The following HDAC9 variants were observed in gnomAD, a reference collection of about 807,000 sequenced individuals.
HDAC9 encodes MEF-2 interacting transcription repressor (MITR) protein.
A neutral mutation model predicts 139.4 loss-of-function variants in HDAC9; 41 were observed. The observed-to-expected ratio is 0.29, with a 90% CI of 0.23 to 0.38. HDAC9 has a LOEUF of 0.38. Ranked by LOEUF, HDAC9 falls within the 10% of genes least tolerant of loss-of-function variation. The pLI, the probability that HDAC9 is intolerant of heterozygous loss-of-function variation, is 1.00. For synonymous variants in HDAC9, 517 were observed against 476.2 expected, an observed-to-expected ratio of 1.09 and a Z score of -1.12; for missense variants, 1,147 against 1,297.0, an observed-to-expected ratio of 0.88 and a Z score of 1.78.
chr7:18,591,547 G>A lies in HDAC9; in HGVS notation c.447G>A (p.Lys149=), dbSNP rs776097817. Residue 149 remains lysine (K), a synonymous_variant, in exon 5 of 26, where the codon AAG becomes AAA. Transcript: ENST00000686413. ...RAVASTEVKQ[K]LQEFLLSKSA... ...TGGCAAGTACAGAAGTAAAGCAGAA[G>A]CTTCAAGAGTTCCTACTGAGTAAAT... The A allele has an allele frequency of 1.1e-5, 17 of 1,607,610 alleles. No homozygotes were observed. In the East Asian group the frequency reaches 1.6e-4, roughly 15 times the overall value.
chr7:18,663,847 C>T (rs1793974129), intron 11 of HDAC9, among the ~76,000 whole-genome samples: 3 of 152,116 alleles, frequency 2.0e-5, no homozygotes. Flanking sequence ...CCACAAGCTC[C>T]CCTCACCTGC....
intron 13 of HDAC9, among the ~76,000 whole-genome samples, chr7:18,741,962 A>C (rs1018752761): frequency 6.6e-6 from 1 of 152,338 alleles, no homozygotes; most frequent in Non-Finnish European, 1.5e-5. Flanking sequence ...CTCATTATAA[A>C]ACTTGAATTA....
At chr7:18,405,423 CT>C (rs1263674906) in intron 1 of HDAC9, among the ~76,000 whole-genome samples, 5 of 152,128 alleles carry the variant, frequency 3.3e-5, no homozygotes, top group African/African-American at 1.2e-4. Context: ...AATCATCCCC[CT>C]ATCTTACTCA....
At chr7:18,981,354 C>T (rs1406500902) in intron 25 of HDAC9, among the ~76,000 whole-genome samples, 1 of 152,190 alleles carries the variant, frequency 6.6e-6, no homozygotes, top group Non-Finnish European at 1.5e-5. Context: ...GCCAGGATCA[C>T]AAAGCTGCCT....
At chr7:18,321,751 A>G (rs1218420209) in intron 1 of HDAC9, among the ~76,000 whole-genome samples, 2 of 152,182 alleles carry the variant, frequency 1.3e-5, no homozygotes, top group Admixed American at 6.5e-5. Flanking sequence ...ATCAAATTGT[A>G]TAGTGTGCCC....
chr7:18,320,130 G>A (rs935993254), intron 1 of HDAC9, among the ~76,000 whole-genome samples: 8 of 152,170 alleles, frequency 5.3e-5, no homozygotes, highest in African/African-American at 1.7e-4. Flanking sequence ...AATGTCTTGA[G>A]GACATTCAAC....
intron 2 of HDAC9, among the ~76,000 whole-genome samples, chr7:18,580,787 T>C (rs1353655414): frequency 6.6e-6 from 1 of 152,184 alleles, no homozygotes; most frequent in Non-Finnish European, 1.5e-5. Context: ...CCTTGTAAGT[T>C]GATTTCTAAT....
intron 1 of HDAC9, among the ~76,000 whole-genome samples, chr7:18,119,927 TG>T (rs1784260666): frequency 6.6e-6 from 1 of 152,202 alleles, no homozygotes; most frequent in Non-Finnish European, 1.5e-5. Flanking sequence ...GATCAATCCT[TG>T]GGGTGTTTGC....
intron 19 of HDAC9, 56 bp from the exon 20 acceptor site, chr7:18,835,410 GT>G: frequency 1.3e-6 from 2 of 1,535,844 alleles, no homozygotes; most frequent in Non-Finnish European, 1.8e-6. Flanking sequence ...CAGAAAGGTT[GT>G]CTCCACACAA....
At chr7:18,842,452 T>A (rs1286264246) in intron 21 of HDAC9, among the ~76,000 whole-genome samples, 1 of 152,110 alleles carries the variant, frequency 6.6e-6, no homozygotes, top group Admixed American at 6.6e-5. Flanking sequence ...CAGTAATGAT[T>A]TTCATCTATT....
intron 17 of HDAC9, among the ~76,000 whole-genome samples, chr7:18,814,297 AT>A (rs1298419500): frequency 3.9e-5 from 6 of 152,200 alleles, no homozygotes; most frequent in Non-Finnish European, 5.9e-5. Context: ...CTACTGCTAT[AT>A]TTTTACCTGA....
intron 1 of HDAC9, among the ~76,000 whole-genome samples, chr7:18,427,324 G>A (rs1047153785): frequency 2.0e-5 from 3 of 151,946 alleles, no homozygotes; most frequent in Admixed American, 1.3e-4. Context: ...GAGAATACTT[G>A]GTCATTAGCA....
intron 2 of HDAC9, among the ~76,000 whole-genome samples, chr7:18,552,849 G>A (rs184672708): frequency 5.3e-5 from 8 of 152,292 alleles, no homozygotes; most frequent in East Asian, 1.9e-4. Context: ...GTGTGTATGT[G>A]TGTTTGTAGA....
At chr7:18,709,995 A>G (rs1364300179) in intron 12 of HDAC9, among the ~76,000 whole-genome samples, 2 of 152,216 alleles carry the variant, frequency 1.3e-5, no homozygotes, top group Non-Finnish European at 2.9e-5. Flanking sequence ...TAATTTATAA[A>G]GAAAAACAGG....
At chr7:18,609,264 G>A (rs1158912612) in intron 6 of HDAC9, among the ~76,000 whole-genome samples, 1 of 152,202 alleles carries the variant, frequency 6.6e-6, no homozygotes, top group Non-Finnish European at 1.5e-5. Flanking sequence ...GTTGCCACTT[G>A]AAATTGAACA....
intron 15 of HDAC9, among the ~76,000 whole-genome samples, chr7:18,763,397 G>A (rs764911758): frequency 6.6e-6 from 1 of 152,130 alleles, no homozygotes; most frequent in African/African-American, 2.4e-5. Context: ...GCAGTAGCTT[G>A]GGGAGAAGTA....
chr7:18,649,837 C>A (rs916524717), intron 11 of HDAC9, among the ~76,000 whole-genome samples: 2 of 152,096 alleles, frequency 1.3e-5, no homozygotes, highest in African/African-American at 4.8e-5. Context: ...CCAGCCTAGC[C>A]CTTCGCTACT....
At chr7:18,599,869 A>G (rs536074275) in intron 6 of HDAC9, among the ~76,000 whole-genome samples, 6 of 152,298 alleles carry the variant, frequency 3.9e-5, no homozygotes, top group Admixed American at 3.3e-4. Flanking sequence ...AACAACAAAA[A>G]ACTGTCAAAC....
At chr7:18,689,357 T>C (rs1361764147) in intron 12 of HDAC9, among the ~76,000 whole-genome samples, 1 of 151,956 alleles carries the variant, frequency 6.6e-6, no homozygotes, top group African/African-American at 2.4e-5. Context: ...GAAACGCCCA[T>C]TGGCTTTTCT....
Sources: allele counts gnomAD v4.1 joint callset (sites outside exome capture counted in the v4.1 genomes callset), GRCh38; gene constraint gnomAD v4.1.1; transcripts MANE v1.5; gene names NCBI Gene and HGNC (gene_info 2026-07-23, HGNC 2026-07-21).